The following MAGED1 variants were observed in gnomAD, a reference collection of about 807,000 sequenced individuals.
MAGED1 encodes MAGE family member D1.
MAGED1 carries 3 observed loss-of-function variants against 54.1 expected under a neutral mutation model. The ratio of observed to expected loss-of-function variants is 0.06; its 90% CI spans 0.03 to 0.14. MAGED1 has a LOEUF of 0.14. Ranked by LOEUF, MAGED1 falls within the 10% of genes least tolerant of loss-of-function variation. MAGED1 has a pLI of 1.00. For missense variants in MAGED1, 485 were observed against 623.4 expected (o/e 0.78, Z 2.36); for synonymous variants, 217 against 227.3 (o/e 0.95, Z 0.41).
rs1377636763 is a variant in MAGED1, at chrX:51,896,882, C to T, written c.1227C>T (p.Asp409=). The T allele has an allele frequency of 1.7e-5, 21 of 1,204,110 alleles. No homozygotes were observed. The highest frequency in any genetic ancestry group is 2.0e-5 in the Non-Finnish European group (18 of 892,401). Reference sequence around the variant, plus strand: ...CTCCTGACTGGCCGCTACCACCCGACTGGCCACTGCCACCTGATTGGCCAC... The same window carrying T: ...CTCCTGACTGGCCGCTACCACCCGATTGGCCACTGCCACCTGATTGGCCAC... The part of the protein sequence containing the change: ...QGPPDWPLPP[D]WPLPPDWPLP... The change falls in exon 4 of 13, where the codon GAC becomes GAT. Residue 409 remains aspartate (D), a synonymous_variant. Coordinates refer to ENST00000326587, the MANE Select transcript of MAGED1 (RefSeq NM_006986.4).
At chrX:51,845,937 G>T (rs1005920509) in intron 1 of MAGED1, among the ~76,000 whole-genome samples, 1 of 110,249 alleles carries the variant, frequency 9.1e-6, no homozygotes, top group Non-Finnish European at 1.9e-5. Context: ...CACCACGCCC[G>T]GGTAATTTTT....
chrX:51,804,752 G>GT (rs1569555282), intron 1 of MAGED1, among the ~76,000 whole-genome samples: 1 of 111,684 alleles, frequency 9.0e-6, no homozygotes, highest in African/African-American at 3.3e-5. Context: ...TATGTAATAG[G>GT]TTGTAATGTG....
At chrX:51,851,500 C>T (rs782185719) in intron 1 of MAGED1, among the ~76,000 whole-genome samples, 2 of 110,996 alleles carry the variant, frequency 1.8e-5, no homozygotes, top group Admixed American at 1.9e-4. Context: ...CATAATGTAC[C>T]TGTAAATTAG....
intron 1 of MAGED1, among the ~76,000 whole-genome samples, chrX:51,835,999 G>T (rs897637009): frequency 4.5e-5 from 5 of 110,656 alleles, no homozygotes; most frequent in Admixed American, 9.6e-5. Flanking sequence ...AGTTTAATAT[G>T]TCATTTATCC....
chrX:51,855,741 G>T (rs1185845722), intron 1 of MAGED1, among the ~76,000 whole-genome samples: 6 of 111,176 alleles, frequency 5.4e-5, no homozygotes, highest in Non-Finnish European at 7.5e-5. Flanking sequence ...GGCCAGGCTG[G>T]TCTCAAACTC....
intron 10 of MAGED1, 179 bp downstream of exon 10, chrX:51,898,822 A>C: frequency 2.5e-6 from 1 of 394,348 alleles, no homozygotes; most frequent in Non-Finnish European, 4.3e-6. Context: ...GGGCAACATA[A>C]CGAAACCCCA....
intron 1 of MAGED1, among the ~76,000 whole-genome samples, chrX:51,877,165 A>G (rs1557362087): frequency 9.0e-6 from 1 of 110,894 alleles, no homozygotes; most frequent in East Asian, 2.8e-4. Flanking sequence ...AAATAAGACT[A>G]AGAGGCAAGA....
At chrX:51,848,944 G>GT (rs200050986) in intron 1 of MAGED1, among the ~76,000 whole-genome samples, 12,301 of 84,896 alleles carry the variant, frequency 0.14, 742 homozygotes, top group Non-Finnish European at 0.2. Flanking sequence ...GATCTTTTCT[G>GT]TTTTTTTTTT....
intron 1 of MAGED1, among the ~76,000 whole-genome samples, chrX:51,854,448 A>G (rs782732848): frequency 9.0e-6 from 1 of 111,688 alleles, no homozygotes; most frequent in South Asian, 3.8e-4. Flanking sequence ...TTAGTTGTAT[A>G]GTGGTGGGAT....
intron 1 of MAGED1, among the ~76,000 whole-genome samples, chrX:51,805,513 TC>T (rs782796124): frequency 3.6e-5 from 4 of 110,427 alleles, no homozygotes; most frequent in African/African-American, 1.3e-4. Context: ...TATAAGACAA[TC>T]CGGGTATAGA....
rs782060449 is a variant in MAGED1 at position 51,820,565 on chromosome X, A to G, written c.-37+17448A>G. Among the ~76,000 whole-genome samples the G allele has an allele frequency of 1.1e-3, 124 of 110,782 alleles. 1 individual carries two copies. Among genetic ancestry groups the G allele is most frequent in the Non-Finnish European group, 1.5e-3 (79 of 52,774 alleles). Reference sequence around the variant, plus strand: ...GGCTAAATTTATTCCTAAGTGTTGAATTTTTCTTTTATGCTACTGTAAATG... The same window carrying G: ...GGCTAAATTTATTCCTAAGTGTTGAGTTTTTCTTTTATGCTACTGTAAATG... On this transcript the variant is annotated intron_variant, in intron 1 of 12. Transcript: ENST00000375772.
rs201569489 is a variant in MAGED1 at position 51,898,101 on chromosome X, T to G, written c.1659-13T>G. 9.9e-4 allele frequency: 1,189 copies of G among 1,196,573 alleles called. 12 individuals are homozygous for G. The South Asian group carries it at 0.021, about 21-fold the overall frequency. ...ATGGCTACTGAAAATATATTCTTTC[T>G]ATATTCCCTTAGGACCAAAGACACA... On this transcript the variant is annotated splice_polypyrimidine_tract_variant and intron_variant, in intron 7 of 12. Coordinates refer to ENST00000326587, the MANE Select transcript of MAGED1 (RefSeq NM_006986.4).
chrX:51,818,315 C>A (rs782505544), intron 1 of MAGED1, among the ~76,000 whole-genome samples: 12 of 111,671 alleles, frequency 1.1e-4, no homozygotes, highest in Non-Finnish European at 2.3e-4. Context: ...ATTGTGCCTT[C>A]GGTCATGGAA....
Position 51,901,853 on chromosome X carries a change from A to G in MAGED1, c.2260A>G (p.Ile754Val), listed in dbSNP as rs781893662. 4.1e-6 allele frequency: 5 copies of G among 1,211,222 alleles called. No individual in the cohort carries two copies. The highest frequency in any genetic ancestry group is 5.6e-6 in the Non-Finnish European group (5 of 895,384). The change falls in exon 12 of 13, where the codon ATT (isoleucine) becomes GTT (valine). Residue 754 changes from isoleucine to valine, a missense_variant. Around this residue, in one of 2 missense-constraint regions of MAGED1, gnomAD observed 186 missense variants for 330.3 expected, o/e 0.56. Transcript: ENST00000326587. Reference sequence around the variant, plus strand: ...ATTCCCTCAGACCTTTGCCGGTCCCATTATTGGTCCTGGTGGTACAGCCAG... The same window carrying G: ...ATTCCCTCAGACCTTTGCCGGTCCCGTTATTGGTCCTGGTGGTACAGCCAG... ...SRFPQTFAGPIIGPGGTASAN... is the reference protein window; with the variant it reads ...SRFPQTFAGPVIGPGGTASAN...
In MAGED1 at chrX:51,895,073, C is replaced by T. The variant is rs1557364025; in HGVS notation, c.66C>T (p.Asp22=). ...TGCAGGCTGAGGCCTCCGTAGAAGA[C>T]AGCGCCTTGCTTATGCAGACCTTGA... ...LGFQAEASVE[D]SALLMQTLME... Residue 22 remains aspartate, a synonymous_variant, in exon 3 of 13, where the codon GAC becomes GAT. Transcript: ENST00000326587. 3 of 1,208,249 alleles carry T rather than the reference C, an allele frequency of 2.5e-6. No individual in the cohort carries two copies. The highest frequency in any genetic ancestry group is 1.7e-5 in the African/African-American group (1 of 57,184).
chrX:51,901,811 C>G lies in MAGED1; in HGVS notation c.2218C>G (p.Gln740Glu). 1.7e-6 allele frequency: 2 copies of G among 1,211,558 alleles called. No individual in the cohort carries two copies. Among genetic ancestry groups the G allele is most frequent in the African/African-American group, 1.7e-5 (1 of 57,686 alleles). Residue 740 changes from glutamine (Q) to glutamate (E), a missense_variant, in exon 12 of 13, where the codon CAG (glutamine) becomes GAG (glutamate). Transcript: ENST00000326587. The part of the protein sequence containing the change: ...IPFTFWARYH[Q>E]NARSRFPQTF... ...ATTTACCTTCTGGGCCAGATACCAC[C>G]AGAATGCCCGCTCCAGATTCCCTCA...
intron 1 of MAGED1, among the ~76,000 whole-genome samples, chrX:51,861,901 C>T (rs1355624377): frequency 3.6e-5 from 4 of 111,478 alleles, no homozygotes; most frequent in Non-Finnish European, 5.6e-5. Flanking sequence ...AGGCTGGTTT[C>T]GAACTCCTGA....
At position 51,849,788 on chromosome X, in the gene MAGED1, A is replaced by G. The variant is rs782566262; in HGVS notation, c.-36-44481A>G. On this transcript the variant is annotated intron_variant, in intron 1 of 12. Coordinates refer to the MAGED1 transcript ENST00000375772. The stretch of plus-strand genomic sequence containing the variant: ...TTATATAAAACATGCTTAAAAGTAC[A>G]TGAACCATAACTATAGAGCTAAATG... 1.6e-3 allele frequency among the ~76,000 whole-genome samples: 180 copies of G among 111,698 alleles called. 1 individual carries two copies. Among genetic ancestry groups the G allele is most frequent in the African/African-American group, 5.4e-3 (165 of 30,786 alleles).
At chrX:51,830,185 A>T (rs1439460) in intron 1 of MAGED1, among the ~76,000 whole-genome samples, 29,625 of 110,771 alleles carry the variant, frequency 0.27, 3,030 homozygotes, top group Middle Eastern at 0.33. Flanking sequence ...AAAGTGAGTT[A>T]CAGAACAATC....
Sources: gnomAD v4.1 joint callset for allele counts (sites outside exome capture counted in the v4.1 genomes callset) on GRCh38, gnomAD v4.1.1 for gene constraint, gnomAD v4.1.1 regional missense constraint, MANE v1.5 for transcripts, NCBI Gene and HGNC (gene_info 2026-07-23, HGNC 2026-07-21) for gene names.